VPS13B: variants seen among roughly 807,000 people sequenced by gnomAD.
The protein encoded by VPS13B is intermembrane lipid transfer protein VPS13B.
Under a neutral mutation model 426.4 loss-of-function variants are expected in VPS13B, and 285 were observed. The ratio of observed to expected loss-of-function variants is 0.67; its 90% CI spans 0.61 to 0.74. The LOEUF is 0.74. VPS13B is among the 30% of genes least tolerant of loss of function. The pLI is 0.00. For synonymous variants in VPS13B, 1,676 were observed against 1,676.4 expected, an observed-to-expected ratio of 1.00 and a Z score of 0.01; for missense variants, 4,537 against 4,782.6, an observed-to-expected ratio of 0.95 and a Z score of 1.51.
chr8:99,156,499 C>T, intron 14 of VPS13B, 50 bp from the exon 15 acceptor site: 3 of 1,588,082 alleles, frequency 1.9e-6, no homozygotes, highest in East Asian at 2.2e-5. Flanking sequence ...AACTGCAACT[C>T]AGTCACTGCT....
intron 32 of VPS13B, among the ~76,000 whole-genome samples, chr8:99,576,898 A>G (rs903161421): frequency 6.6e-6 from 1 of 152,148 alleles, no homozygotes; most frequent in Non-Finnish European, 1.5e-5. Context: ...TTTAGCTTCA[A>G]CACTCCGTTT....
At chr8:99,648,563 T>G (rs1294888464) in intron 34 of VPS13B, among the ~76,000 whole-genome samples, 1 of 152,204 alleles carries the variant, frequency 6.6e-6, no homozygotes, top group Non-Finnish European at 1.5e-5. Flanking sequence ...TGCTCTGGGG[T>G]TTCCAGTATG....
In VPS13B at chr8:99,776,919, AT is replaced by A; in HGVS notation, c.7394del (p.Phe2465SerfsTer10). The A allele has an allele frequency of 6.2e-7, 1 of 1,614,062 alleles. No homozygotes were observed. Among genetic ancestry groups the A allele is most frequent in the Non-Finnish European group, 8.5e-7 (1 of 1,179,964 alleles). ...TTTCTTTCCAGTTTGCTCACCTGGA[AT>A]TCCATCTTTGTCATCACCTTGACCA... ...CVSFQFAHLEFHLCHHLDQLG... is the reference protein window; with the variant it reads ...CVSFQFAHLEXHLCHHLDQLG... On this transcript the variant is annotated frameshift_variant, in exon 41 of 62. Transcript: ENST00000357162. LOFTEE classifies it high-confidence loss of function.
rs762137925 is a variant in VPS13B at position 99,778,874 on chromosome 8, G to C, written c.7622G>C (p.Ser2541Thr). 4 of 1,614,036 alleles carry C rather than the reference G, an allele frequency of 2.5e-6. No homozygotes were observed. The highest frequency in any genetic ancestry group is 3.4e-6 in the Non-Finnish European group (4 of 1,179,930). Reference sequence around the variant, plus strand: ...GAGTGCAGAAATGTCACTATGCAAAGTGTGGTGAAACCCTTCAGCATCTTC... The same window carrying C: ...GAGTGCAGAAATGTCACTATGCAAACTGTGGTGAAACCCTTCAGCATCTTC... ...LLECRNVTMQSVVKPFSIFGQ... is the reference protein window; with the variant it reads ...LLECRNVTMQTVVKPFSIFGQ... Residue 2541 changes from serine (S) to threonine (T), a missense_variant, in exon 42 of 62, where the codon AGT (serine) becomes ACT (threonine). By Grantham distance (58) the Ser-to-Thr change is moderately conservative (BLOSUM62 1). This residue lies in a region of VPS13B where 4,311 missense variants were observed against 4,474.3 expected (regional missense o/e 0.96). Coordinates refer to ENST00000357162, the MANE Select transcript of VPS13B (RefSeq NM_152564.5).
At position 99,520,997 on chromosome 8, in the gene VPS13B, A is replaced by G. The variant is rs1822355978; in HGVS notation, c.4732A>G (p.Lys1578Glu). Residue 1578 changes from lysine (K) to glutamate (E), a missense_variant, in exon 30 of 62, where the codon AAA (lysine) becomes GAA (glutamate). Lys to Glu is a moderately conservative substitution (Grantham distance 56, BLOSUM62 1). Around this residue, in one of 2 missense-constraint regions of VPS13B, gnomAD observed 4,311 missense variants for 4,474.3 expected, o/e 0.96. Coordinates refer to ENST00000357162, the MANE Select transcript of VPS13B (RefSeq NM_152564.5). ...DNPLGRSVLRKDIYQRALNLG... is the reference protein window; with the variant it reads ...DNPLGRSVLREDIYQRALNLG... ...TCCCCTTGGCAGATCTGTCCTTAGG[A>G]AAGATATTTACCAGTAAGTTTATTT... 1.9e-6 allele frequency: 3 copies of G among 1,613,428 alleles called. No individual in the cohort carries two copies. The highest frequency in any genetic ancestry group is 1.7e-5 in the Admixed American group (1 of 59,988).
chr8:99,711,507 TA>T (rs1832709928), intron 36 of VPS13B, among the ~76,000 whole-genome samples: 1 of 151,656 alleles, frequency 6.6e-6, no homozygotes, highest in Non-Finnish European at 1.5e-5. Context: ...TACGGGCAAA[TA>T]AAAACTGTAG....
At chr8:99,498,843 A>C (rs1273163408) in intron 25 of VPS13B, among the ~76,000 whole-genome samples, 1 of 152,178 alleles carries the variant, frequency 6.6e-6, no homozygotes, top group Non-Finnish European at 1.5e-5. Context: ...TAGTGGGAGC[A>C]AAGGTAGTTG....
chr8:99,052,770 G>T (rs1441479812), intron 3 of VPS13B, among the ~76,000 whole-genome samples: 13 of 152,194 alleles, frequency 8.5e-5, no homozygotes. Flanking sequence ...GAGGGTGTAT[G>T]TGTCGAAGAA....
intron 30 of VPS13B, 123 bp downstream of exon 30, chr8:99,521,133 C>G: frequency 2.5e-6 from 2 of 803,534 alleles, no homozygotes; most frequent in Non-Finnish European, 4.0e-6. Context: ...ATATTTAAAA[C>G]CAGGTTTTTC....
intron 35 of VPS13B, among the ~76,000 whole-genome samples, chr8:99,668,020 T>C (rs1408632048): frequency 1.3e-5 from 2 of 152,190 alleles, no homozygotes; most frequent in African/African-American, 4.8e-5. Context: ...AGTAATACTT[T>C]TTGTTTTTAG....
chr8:99,044,124 C>T, intron 3 of VPS13B, among the ~76,000 whole-genome samples: 1 of 117,660 alleles, frequency 8.5e-6, no homozygotes, highest in Non-Finnish European at 1.6e-5. Context: ...TGCTCTGTTG[C>T]CCAGGCTGGA....
chr8:99,229,793 G>A (rs1816227181), intron 17 of VPS13B, among the ~76,000 whole-genome samples: 1 of 152,170 alleles, frequency 6.6e-6, no homozygotes, highest in Non-Finnish European at 1.5e-5. Context: ...GCCACAGTAA[G>A]AATTTTGGAT....
At chr8:99,737,862 G>C (rs1471443177) in intron 39 of VPS13B, among the ~76,000 whole-genome samples, 1 of 152,190 alleles carries the variant, frequency 6.6e-6, no homozygotes, top group African/African-American at 2.4e-5. Context: ...GTGTTTTCTT[G>C]TTAACAGTTC....
chr8:99,423,423 A>ATT (rs202230044), intron 21 of VPS13B, among the ~76,000 whole-genome samples: 22,962 of 138,188 alleles, frequency 0.17, 2,292 homozygotes, highest in East Asian at 0.36. Flanking sequence ...CATCTAGCTA[A>ATT]TTTTTTTTTT....
chr8:99,802,979 AG>A (rs1475236042), intron 43 of VPS13B, among the ~76,000 whole-genome samples: 9 of 152,338 alleles, frequency 5.9e-5, no homozygotes, highest in African/African-American at 1.9e-4. Flanking sequence ...CACTTAGCCC[AG>A]TGCTTGACAC....
intron 19 of VPS13B, among the ~76,000 whole-genome samples, chr8:99,289,322 T>C (rs1216043485): frequency 6.6e-6 from 1 of 152,098 alleles, no homozygotes; most frequent in Non-Finnish European, 1.5e-5. Context: ...TATATATACT[T>C]CTGTAGAGAC....
intron 19 of VPS13B, among the ~76,000 whole-genome samples, chr8:99,276,252 T>C (rs770924097): frequency 1.3e-5 from 2 of 152,118 alleles, no homozygotes; most frequent in Non-Finnish European, 2.9e-5. Context: ...GTATCCACAT[T>C]GAAAACTGGA....
At chr8:99,673,203 G>A (rs1830789497) in intron 35 of VPS13B, among the ~76,000 whole-genome samples, 1 of 151,954 alleles carries the variant, frequency 6.6e-6, no homozygotes, top group Non-Finnish European at 1.5e-5. Flanking sequence ...AGAAGAATTG[G>A]TGGTATTAGA....
chr8:99,520,890 T>C lies in VPS13B; in HGVS notation c.4634-9T>C, dbSNP rs2133668059. ...CAGTGTATTCATGAATCTCCTTCTT[T>C]TGTTACAGCTAATCAGGCAGCAAAA... On this transcript the variant is annotated splice_polypyrimidine_tract_variant and intron_variant, in intron 29 of 61. Coordinates refer to ENST00000357162, the MANE Select transcript of VPS13B (RefSeq NM_152564.5). 6.2e-7 allele frequency: 1 copy of C among 1,612,510 alleles called. No individual in the cohort carries two copies.
Sources: gnomAD v4.1 joint callset for allele counts (sites outside exome capture counted in the v4.1 genomes callset) on GRCh38, gnomAD v4.1.1 for gene constraint, gnomAD v4.1.1 regional missense constraint, MANE v1.5 for transcripts, NCBI Gene and HGNC (gene_info 2026-07-23, HGNC 2026-07-21) for gene names.